Variants in CNTN3 observed in about 807,000 individuals in gnomAD.
The protein encoded by CNTN3 is contactin 3, also known as contactin-3.
Under a neutral mutation model 119.1 loss-of-function variants are expected in CNTN3, and 60 were observed. The observed-to-expected ratio is 0.50, with a 90% confidence interval of 0.41 to 0.62. The LOEUF (loss-of-function observed/expected upper bound fraction) is 0.62, where lower values mean the gene tolerates loss of function less well. Ranked by LOEUF, CNTN3 falls within the 20% of genes least tolerant of loss-of-function variation. The pLI is 0.00. For synonymous variants in CNTN3, 450 were observed against 438.7 expected (o/e 1.03, Z -0.32); for missense variants, 1,101 against 1,242.4 (o/e 0.89, Z 1.71).
chr3:74,327,122 TTTTTTTTTTG>T (rs1286877453), intron 13 of CNTN3, among the ~76,000 whole-genome samples: 110 of 146,968 alleles, frequency 7.5e-4, no homozygotes, highest in African/African-American at 2.7e-3. Context: ...TTTTTTTTTT[TTTTTTTTTTG>T]TTTGTTTGTT....
intron 1 of CNTN3, among the ~76,000 whole-genome samples, chr3:74,605,669 C>T (rs371351735): frequency 6.6e-6 from 1 of 152,072 alleles, no homozygotes; most frequent in East Asian, 1.9e-4. Flanking sequence ...CAGCTATTGG[C>T]TACTAGCTAT....
intron 4 of CNTN3, among the ~76,000 whole-genome samples, chr3:74,454,607 C>T (rs1352622226): frequency 6.6e-6 from 1 of 152,014 alleles, no homozygotes; most frequent in Non-Finnish European, 1.5e-5. Flanking sequence ...TTCCTAGTCT[C>T]AGTGGTCTTT....
chr3:74,540,014 A>T (rs552904778), intron 1 of CNTN3, among the ~76,000 whole-genome samples: 1 of 152,138 alleles, frequency 6.6e-6, no homozygotes, highest in East Asian at 1.9e-4. Flanking sequence ...CTTGCCTTCT[A>T]CAAGGTTACC....
intron 5 of CNTN3, among the ~76,000 whole-genome samples, chr3:74,375,736 C>A (rs1040260165): frequency 2.6e-5 from 4 of 152,134 alleles, no homozygotes; most frequent in Admixed American, 2.6e-4. Flanking sequence ...GCCAGAAAGG[C>A]AGAAAAACAG....
intron 22 of CNTN3, among the ~76,000 whole-genome samples, 179 bp downstream of exon 22, chr3:74,266,302 T>G (rs1392756154): frequency 2.0e-5 from 3 of 152,154 alleles, no homozygotes; most frequent in Non-Finnish European, 4.4e-5. Flanking sequence ...CTTTTCTCCC[T>G]ATTTTGCACC....
At chr3:74,520,369 T>G (rs764760320) in intron 2 of CNTN3, among the ~76,000 whole-genome samples, 1 of 151,442 alleles carries the variant, frequency 6.6e-6, no homozygotes, top group Non-Finnish European at 1.5e-5. Context: ...GCTTTTTTGG[T>G]GCTTGAGAAT....
At chr3:74,398,991 C>G (rs1359113663) in intron 5 of CNTN3, among the ~76,000 whole-genome samples, 1 of 152,174 alleles carries the variant, frequency 6.6e-6, no homozygotes, top group Non-Finnish European at 1.5e-5. Flanking sequence ...TATCTACCAA[C>G]TCAAACATTT....
chr3:74,488,258 G>A (rs1002533561), intron 3 of CNTN3, among the ~76,000 whole-genome samples: 38 of 151,832 alleles, frequency 2.5e-4, no homozygotes, highest in African/African-American at 8.9e-4. Flanking sequence ...GACTACAGGC[G>A]CCCGACACCA....
intron 1 of CNTN3, among the ~76,000 whole-genome samples, chr3:74,539,527 C>T (rs1466501961): frequency 1.3e-5 from 2 of 151,994 alleles, no homozygotes; most frequent in African/African-American, 4.8e-5. Context: ...GCTATGTTTC[C>T]ACCTCCTGAA....
intron 1 of CNTN3, among the ~76,000 whole-genome samples, chr3:74,608,985 G>A (rs1013477467): frequency 1.3e-5 from 2 of 152,134 alleles, no homozygotes; most frequent in Admixed American, 1.3e-4. Context: ...CTTGACAAAT[G>A]GTAAGGTTGG....
Position 74,282,325 on chromosome 3 carries a change from A to C in CNTN3, c.2704+2980T>G, listed in dbSNP as rs74992243. On this transcript the variant is annotated intron_variant, in intron 20 of 22. Transcript: ENST00000263665. ...AAAGCCTTGCATACAAAATTCCATA[A>C]TGATGAGTACATGAAACTTGCACAT... Among the ~76,000 whole-genome samples, 4 of 152,376 alleles carry C rather than the reference A, an allele frequency of 2.6e-5. No individual in the cohort carries two copies. The East Asian group carries it at 7.7e-4, about 29-fold the overall frequency.
chr3:74,544,874 A>G (rs1197811662), intron 1 of CNTN3, among the ~76,000 whole-genome samples: 4 of 152,180 alleles, frequency 2.6e-5, no homozygotes, highest in Non-Finnish European at 4.4e-5. Context: ...CTGGGATTAC[A>G]GGCATGAGCC....
At chr3:74,405,621 T>C (rs1256857711) in intron 5 of CNTN3, among the ~76,000 whole-genome samples, 1 of 152,108 alleles carries the variant, frequency 6.6e-6, no homozygotes, top group African/African-American at 2.4e-5. Context: ...AAAATTGTTA[T>C]CTTTACAATA....
chr3:74,379,461 C>T (rs933733111), intron 5 of CNTN3, among the ~76,000 whole-genome samples: 2 of 152,144 alleles, frequency 1.3e-5, no homozygotes, highest in African/African-American at 4.8e-5. Context: ...TAACAAATGT[C>T]TCTTTCCTGG....
At chr3:74,298,555 G>A (rs987268073) in intron 17 of CNTN3, among the ~76,000 whole-genome samples, 10 of 149,548 alleles carry the variant, frequency 6.7e-5, no homozygotes, top group Admixed American at 4.0e-4. Context: ...TTGACTTTAT[G>A]AGAAGAAATA....
chr3:74,382,239 A>G (rs944444097), intron 5 of CNTN3, among the ~76,000 whole-genome samples: 1 of 152,108 alleles, frequency 6.6e-6, no homozygotes, highest in Non-Finnish European at 1.5e-5. Context: ...ATGTTTATCT[A>G]TAATTGAAAA....
intron 4 of CNTN3, among the ~76,000 whole-genome samples, chr3:74,466,752 T>G (rs1306552205): frequency 6.6e-6 from 1 of 152,008 alleles, no homozygotes; most frequent in Non-Finnish European, 1.5e-5. Context: ...AACATAAAAA[T>G]TTTCAACTTG....
intron 18 of CNTN3, 126 bp from the exon 19 acceptor site, chr3:74,295,362 C>A: frequency 1.8e-6 from 1 of 562,366 alleles, no homozygotes. Flanking sequence ...ATTCTGGCAC[C>A]ATATGTTGAA....
At chr3:74,381,221 T>C (rs1412006632) in intron 5 of CNTN3, among the ~76,000 whole-genome samples, 1 of 152,086 alleles carries the variant, frequency 6.6e-6, no homozygotes, top group East Asian at 1.9e-4. Flanking sequence ...TTTTATTTTT[T>C]CTGAATGATA....
Sources: allele counts gnomAD v4.1 joint callset (sites outside exome capture counted in the v4.1 genomes callset), GRCh38; gene constraint gnomAD v4.1.1; transcripts MANE v1.5; gene names NCBI Gene and HGNC (gene_info 2026-07-23, HGNC 2026-07-21).